The following VWA2 variants were observed in gnomAD, a reference collection of about 807,000 sequenced individuals.
VWA2 encodes the protein von Willebrand factor A domain containing 2.
VWA2 carries 73 observed loss-of-function variants against 70.4 expected under a neutral mutation model. The observed-to-expected ratio is 1.04, with a 90% confidence interval of 0.86 to 1.26. The LOEUF is 1.26. VWA2 is among the 50% of genes most tolerant of loss of function. The pLI is 0.00. For missense variants in VWA2, 1,011 were observed against 998.5 expected (o/e 1.01, Z -0.17); for synonymous variants, 407 against 423.3 (o/e 0.96, Z 0.47).
chr10:114,259,870 G>A (rs1033368530), intron 4 of VWA2, among the ~76,000 whole-genome samples: 1 of 152,120 alleles, frequency 6.6e-6, no homozygotes, highest in Non-Finnish European at 1.5e-5. Context: ...ATTTCTTTCT[G>A]CTTAAGGTGC....
At chr10:114,253,778 A>T (rs1221584693) in intron 3 of VWA2, 53 bp downstream of exon 3, 3 of 1,481,090 alleles carry the variant, frequency 2.0e-6, no homozygotes, top group African/African-American at 2.8e-5. Context: ...CCTCTGTGTG[A>T]TGGACTGGAT....
At chr10:114,254,600 G>A (rs79657560) in intron 3 of VWA2, among the ~76,000 whole-genome samples, 1,640 of 152,254 alleles carry the variant, frequency 0.011, 21 homozygotes, top group African/African-American at 0.038. Flanking sequence ...GTGGTCCCCC[G>A]AGGCCTGGGA....
At chr10:114,256,503 G>A (rs889445927) in intron 4 of VWA2, among the ~76,000 whole-genome samples, 2 of 152,186 alleles carry the variant, frequency 1.3e-5, no homozygotes, top group African/African-American at 4.8e-5. Flanking sequence ...TTTTCATTAA[G>A]GGGGAGGTTG....
In VWA2 at chr10:114,292,492, G is replaced by A. The variant is rs72823075; in HGVS notation, c.*1255G>A. 0.054 allele frequency among the ~76,000 whole-genome samples: 8,242 copies of A among 151,462 alleles called. 287 individuals carry two copies. The highest frequency in any genetic ancestry group is 0.092 in the Middle Eastern group (27 of 294). ...TTTGCTTTTCTACACAGTTTTTAAA[G>A]AAATATTTCAAGAAATGTTGGTTAT... On this transcript the variant is annotated 3_prime_UTR_variant, in exon 14 of 14. Coordinates refer to ENST00000392982, the MANE Select transcript of VWA2 (RefSeq NM_001272046.2).
chr10:114,261,169 CCT>C lies in VWA2; in HGVS notation c.262-16_262-15del. On this transcript the variant is annotated splice_polypyrimidine_tract_variant and intron_variant, in intron 4 of 13. Transcript: ENST00000392982. ...ACTCCAGTCTCGGGGCCCTGAGCCC[CCT>C]GTCTCCTACTGCAGGTCAGAGTGGG... 6.3e-7 allele frequency: 1 copy of C among 1,593,546 alleles called. No individual in the cohort carries two copies. Among genetic ancestry groups the C allele is most frequent in the Non-Finnish European group, 8.6e-7 (1 of 1,162,514 alleles).
At chr10:114,246,698 C>A in intron 1 of VWA2, 1 of 1,557,542 alleles carries the variant, frequency 6.4e-7, no homozygotes, top group South Asian at 1.1e-5. Flanking sequence ...AACAAAGAAT[C>A]AACTAGCAAA....
rs2133783519 is a variant in VWA2 at position 114,293,331 on chromosome 10, ATG to A, written c.*2096_*2097del. Among the ~76,000 whole-genome samples the A allele has an allele frequency of 6.6e-6, 1 of 152,326 alleles. No individual in the cohort carries two copies. The highest frequency in any genetic ancestry group is 2.1e-4 in the South Asian group (1 of 4,828). On this transcript the variant is annotated 3_prime_UTR_variant, in exon 14 of 14. Transcript: ENST00000392982. ...ATTGTCTTTAAATAGCAGTTTAACC[ATG>A]TTATAATGTAGGCTTTTTGTCTTGT...
intron 4 of VWA2, among the ~76,000 whole-genome samples, chr10:114,258,434 T>C (rs2037375955): frequency 6.6e-6 from 1 of 152,136 alleles, no homozygotes; most frequent in Admixed American, 6.6e-5. Flanking sequence ...GGCAGAGTGA[T>C]TATGGCTGGT....
At chr10:114,274,470 A>ATGTTTGT (rs1589761792) in intron 6 of VWA2, among the ~76,000 whole-genome samples, 3 of 151,952 alleles carry the variant, frequency 2.0e-5, no homozygotes, top group African/African-American at 4.8e-5. Flanking sequence ...GACTTAGGAT[A>ATGTTTGT]TGTTTGTTGT....
At chr10:114,281,953 C>G (rs1159687890) in intron 8 of VWA2, among the ~76,000 whole-genome samples, 1 of 151,242 alleles carries the variant, frequency 6.6e-6, no homozygotes. Context: ...AAAGCTGTTG[C>G]TACAGTTTGG....
chr10:114,271,654 C>A (rs1053940643), intron 5 of VWA2, among the ~76,000 whole-genome samples: 2 of 151,178 alleles, frequency 1.3e-5, no homozygotes, highest in Non-Finnish European at 1.5e-5. Context: ...GCAGGTAATG[C>A]CCATGCGTCT....
At position 114,278,722 on chromosome 10, in the gene VWA2, G is replaced by C; in HGVS notation, c.704G>C (p.Cys235Ser). The C allele has an allele frequency of 6.2e-7, 1 of 1,614,018 alleles. No individual in the cohort carries two copies. Among genetic ancestry groups the C allele is most frequent in the East Asian group, 2.2e-5 (1 of 44,880 alleles). ...SAICSSATPD[C>S]RVEAHPCEHR... ...TGGGTGTGTGTTGTGGACACAGACTGCAGGGTCGAGGCTCACCCCTGTGAG... is the reference window on the plus strand; with the variant it reads ...TGGGTGTGTGTTGTGGACACAGACTCCAGGGTCGAGGCTCACCCCTGTGAG... The change falls in exon 8 of 14, where the codon TGC (cysteine) becomes TCC (serine). Residue 235 changes from cysteine (C) to serine (S), a missense_variant. Physicochemically the swap from Cys to Ser is moderately radical, Grantham distance 112. Coordinates refer to ENST00000392982, the MANE Select transcript of VWA2 (RefSeq NM_001272046.2).
chr10:114,282,479 T>C, intron 8 of VWA2, 37 bp from the exon 9 acceptor site: 1 of 1,583,758 alleles, frequency 6.3e-7, no homozygotes, highest in Non-Finnish European at 8.7e-7. Flanking sequence ...CCCTTACACC[T>C]CTGATCTGTC....
chr10:114,266,611 A>G (rs1564722373), intron 5 of VWA2, among the ~76,000 whole-genome samples: 1 of 152,216 alleles, frequency 6.6e-6, no homozygotes, highest in South Asian at 2.1e-4. Context: ...CAAACCTTCC[A>G]ACATTGCACC....
chr10:114,250,158 T>G lies in VWA2; in HGVS notation c.52+1393T>G, dbSNP rs542657501. On this transcript the variant is annotated intron_variant, in intron 2 of 13. Transcript: ENST00000392982. The stretch of plus-strand genomic sequence containing the variant: ...GTAGCACTTAACACAGATATGAGTT[T>G]TGTGTGCATTTTAAAAAATGACATC... 3.9e-5 allele frequency among the ~76,000 whole-genome samples: 6 copies of G among 152,326 alleles called. No individual in the cohort carries two copies. The South Asian group carries it at 1.2e-3, about 32-fold the overall frequency.
intron 6 of VWA2, among the ~76,000 whole-genome samples, chr10:114,276,671 C>A (rs1288780151): frequency 7.0e-6 from 1 of 142,680 alleles, no homozygotes; most frequent in African/African-American, 2.6e-5. Flanking sequence ...CGACACCCAG[C>A]AATTTTTTTT....
intron 8 of VWA2, among the ~76,000 whole-genome samples, chr10:114,281,425 G>T (rs991079519): frequency 6.6e-6 from 1 of 152,202 alleles, no homozygotes; most frequent in Non-Finnish European, 1.5e-5. Context: ...GCTGTGTTCC[G>T]GTAATTATGT....
chr10:114,289,325 A>G lies in VWA2; in HGVS notation c.1958A>G (p.Gln653Arg). ...RGAEDAAVPA[Q>R]KLRNNGISVL... ...GCAGAGGATGCAGCCGTTCCTGCCCAGAAGCTGAGGAACAATGGCATCTCT... is the reference window on the plus strand; with the variant it reads ...GCAGAGGATGCAGCCGTTCCTGCCCGGAAGCTGAGGAACAATGGCATCTCT... The change falls in exon 12 of 14, where the codon CAG becomes CGG. Residue 653 changes from glutamine to arginine, a missense_variant. Transcript: ENST00000392982. 4 of 1,614,242 alleles carry G rather than the reference A, an allele frequency of 2.5e-6. No homozygotes were observed. The highest frequency in any genetic ancestry group is 1.6e-4 in the Middle Eastern group (1 of 6,062).
intron 5 of VWA2, among the ~76,000 whole-genome samples, chr10:114,269,461 G>C (rs553888184): frequency 6.6e-6 from 1 of 152,234 alleles, no homozygotes; most frequent in African/African-American, 2.4e-5. Flanking sequence ...AGTGCCTGTA[G>C]TCCCAGCTAC....
Sources: gnomAD v4.1 joint callset for allele counts (sites outside exome capture counted in the v4.1 genomes callset) on GRCh38, gnomAD v4.1.1 for gene constraint, MANE v1.5 for transcripts, NCBI Gene and HGNC (gene_info 2026-07-23, HGNC 2026-07-21) for gene names.